Variants in CNTNAP2 observed in about 807,000 individuals in gnomAD.
CNTNAP2 encodes contactin-associated protein-like 2.
A neutral mutation model predicts 155.2 loss-of-function variants in CNTNAP2; 98 were observed. The ratio of observed to expected loss-of-function variants is 0.63; its 90% confidence interval spans 0.54 to 0.75. CNTNAP2 has a LOEUF of 0.75. Among genes scored for constraint, CNTNAP2 ranks in the 30% least tolerant of loss-of-function variants. CNTNAP2 has a pLI of 0.00. For missense variants in CNTNAP2, 1,727 were observed against 1,688.1 expected, an observed-to-expected ratio of 1.02 and a Z score of -0.40; for synonymous variants, 651 against 631.2, an observed-to-expected ratio of 1.03 and a Z score of -0.47.
chr7:148,317,675 T>C (rs1282469156), intron 21 of CNTNAP2, among the ~76,000 whole-genome samples: 1 of 152,190 alleles, frequency 6.6e-6, no homozygotes, highest in Non-Finnish European at 1.5e-5. Context: ...GCTGTAACAG[T>C]AGATAAGGTC....
intron 1 of CNTNAP2, among the ~76,000 whole-genome samples, chr7:146,327,579 G>A (rs1801118485): frequency 6.6e-6 from 1 of 152,136 alleles, no homozygotes; most frequent in African/African-American, 2.4e-5. Context: ...TCCATACATT[G>A]TTTCATTGCT....
At chr7:148,312,967 G>A (rs957532636) in intron 21 of CNTNAP2, among the ~76,000 whole-genome samples, 1 of 151,870 alleles carries the variant, frequency 6.6e-6, no homozygotes, top group African/African-American at 2.4e-5. Context: ...GCAATGAGGT[G>A]TGGCTGTAGC....
At position 147,879,256 on chromosome 7, in the gene CNTNAP2, G is replaced by A. The variant is rs533501776; in HGVS notation, c.2099-24309G>A. On this transcript the variant is annotated intron_variant, in intron 13 of 23. Coordinates refer to ENST00000361727, the MANE Select transcript of CNTNAP2 (RefSeq NM_014141.6). ...CATGTGAAATAAGGCAACATTGGCC[G>A]GAGGAGCTGCCATCTGGACTTTGAC... 8.5e-5 allele frequency among the ~76,000 whole-genome samples: 13 copies of A among 152,252 alleles called. No homozygotes were observed. In the East Asian group the frequency reaches 1.2e-3, roughly 14 times the overall value.
At chr7:146,757,883 G>C (rs1303462898) in intron 1 of CNTNAP2, among the ~76,000 whole-genome samples, 1 of 151,994 alleles carries the variant, frequency 6.6e-6, no homozygotes, top group Non-Finnish European at 1.5e-5. Context: ...CAGCAATACA[G>C]AATTCAGTGG....
At chr7:147,537,689 A>C (rs185174212) in intron 11 of CNTNAP2, among the ~76,000 whole-genome samples, 3 of 152,338 alleles carry the variant, frequency 2.0e-5, no homozygotes, top group Non-Finnish European at 2.9e-5. Flanking sequence ...AGCCCATTAA[A>C]AATTAAAATG....
intron 1 of CNTNAP2, among the ~76,000 whole-genome samples, chr7:146,303,139 G>A (rs1800644011): frequency 6.6e-6 from 1 of 151,856 alleles, no homozygotes; most frequent in African/African-American, 2.4e-5. Context: ...TGTCATGGGA[G>A]ACATGGGTAG....
At chr7:147,691,146 GATTA>G (rs147455068) in intron 13 of CNTNAP2, among the ~76,000 whole-genome samples, 1,927 of 152,148 alleles carry the variant, frequency 0.013, 18 homozygotes, top group Non-Finnish European at 0.021. Flanking sequence ...GGATTAATTT[GATTA>G]ATTAATTCAA....
intron 13 of CNTNAP2, among the ~76,000 whole-genome samples, chr7:147,801,943 C>G (rs1440244348): frequency 6.7e-6 from 1 of 149,450 alleles, no homozygotes; most frequent in South Asian, 2.2e-4. Context: ...GGCGGCTGGC[C>G]GGGCGGGGGG....
chr7:147,383,138 G>T (rs923656548), intron 9 of CNTNAP2, among the ~76,000 whole-genome samples: 8 of 151,752 alleles, frequency 5.3e-5, no homozygotes, highest in African/African-American at 1.9e-4. Context: ...TTAGGTCTTG[G>T]TGTCAGTTCT....
At chr7:147,602,552 A>G (rs1563017079) in intron 12 of CNTNAP2, among the ~76,000 whole-genome samples, 2 of 150,894 alleles carry the variant, frequency 1.3e-5, no homozygotes, top group African/African-American at 4.9e-5. Flanking sequence ...GGTTAGTTAC[A>G]TATGTATACA....
chr7:146,309,158 T>C (rs950135587), intron 1 of CNTNAP2, among the ~76,000 whole-genome samples: 3 of 152,140 alleles, frequency 2.0e-5, no homozygotes, highest in African/African-American at 7.2e-5. Flanking sequence ...TTAAAGTAAT[T>C]TTAGGATGTT....
intron 1 of CNTNAP2, among the ~76,000 whole-genome samples, chr7:146,667,907 T>C (rs1800226631): frequency 6.6e-6 from 1 of 152,090 alleles, no homozygotes; most frequent in African/African-American, 2.4e-5. Flanking sequence ...TATAGGATCA[T>C]GTCATCTGCA....
chr7:146,396,386 T>C (rs1007260365), intron 1 of CNTNAP2, among the ~76,000 whole-genome samples: 3 of 152,060 alleles, frequency 2.0e-5, no homozygotes, highest in African/African-American at 4.8e-5. Flanking sequence ...ACAGCATCTA[T>C]TGTATTTTTA....
chr7:148,083,789 A>C (rs571605088), intron 15 of CNTNAP2, among the ~76,000 whole-genome samples: 14 of 152,328 alleles, frequency 9.2e-5, no homozygotes, highest in African/African-American at 3.4e-4. Context: ...AGAAAGAAAT[A>C]CAATTACTTA....
chr7:146,774,404 T>A (rs1190203225), intron 2 of CNTNAP2, 23 bp downstream of exon 2: 2 of 1,502,524 alleles, frequency 1.3e-6, no homozygotes, highest in Admixed American at 1.7e-5. Context: ...TTGATTCTTT[T>A]ATCAATAAAC....
chr7:146,905,114 T>C (rs1405547565), intron 3 of CNTNAP2, among the ~76,000 whole-genome samples: 3 of 152,058 alleles, frequency 2.0e-5, no homozygotes, highest in Non-Finnish European at 4.4e-5. Context: ...AGGTGCCAGA[T>C]ACTAGTAACA....
intron 18 of CNTNAP2, among the ~76,000 whole-genome samples, chr7:148,199,222 T>A (rs1436935553): frequency 2.6e-5 from 4 of 152,216 alleles, no homozygotes; most frequent in Non-Finnish European, 4.4e-5. Context: ...CAGGAAATGA[T>A]TTTCCAAGCT....
At chr7:147,817,747 CA>C (rs1029178078) in intron 13 of CNTNAP2, among the ~76,000 whole-genome samples, 1 of 151,042 alleles carries the variant, frequency 6.6e-6, no homozygotes, top group East Asian at 1.9e-4. Context: ...ACTAAAAATA[CA>C]AAAAAAATTA....
In CNTNAP2 at chr7:147,110,105, A is replaced by G. The variant is rs537970191; in HGVS notation, c.754+1755A>G. Among the ~76,000 whole-genome samples, 124 of 151,962 alleles carry G rather than the reference A, an allele frequency of 8.2e-4. 1 individual carries two copies. Among genetic ancestry groups the G allele is most frequent in the African/African-American group, 2.8e-3 (115 of 41,476 alleles). On this transcript the variant is annotated intron_variant, in intron 5 of 23. Transcript: ENST00000361727. ...ATGCCCGGTTAATTTTTGTATTTTT[A>G]GTAGAGATGGGGTTTCACCATGTTG...
Sources: gnomAD v4.1 joint callset for allele counts (sites outside exome capture counted in the v4.1 genomes callset) on GRCh38, gnomAD v4.1.1 for gene constraint, MANE v1.5 for transcripts, NCBI Gene and HGNC (gene_info 2026-07-23, HGNC 2026-07-21) for gene names.